The following TXNL1 variants were observed in gnomAD, a reference collection of about 807,000 sequenced individuals.
The protein encoded by TXNL1 is thioredoxin-like protein 1.
TXNL1 carries 14 observed loss-of-function variants against 35.5 expected under a neutral mutation model. The observed-to-expected ratio is 0.39, with a 90% CI of 0.26 to 0.62. The LOEUF is 0.62. Among genes scored for constraint, TXNL1 ranks in the 20% least tolerant of loss-of-function variants. The pLI is 0.47. For missense variants in TXNL1, 263 were observed against 349.7 expected (o/e 0.75, Z 1.98); for synonymous variants, 110 against 115.5 (o/e 0.95, Z 0.31).
chr18:56,615,519 C>G lies in TXNL1; in HGVS notation c.562+726G>C, dbSNP rs76307919. On this transcript the variant is annotated intron_variant, in intron 5 of 7. Coordinates refer to ENST00000217515, the MANE Select transcript of TXNL1 (RefSeq NM_004786.3). ...TCTTTATTTTACAAGAAGAGAAATC[C>G]TAAGTCTGCACAATCATATTTACAT... Among the ~76,000 whole-genome samples the G allele has an allele frequency of 3.6e-3, 545 of 151,492 alleles. 4 individuals are homozygous for G. Among genetic ancestry groups the G allele is most frequent in the African/African-American group, 0.013 (529 of 41,270 alleles).
chr18:56,628,441 C>T (rs755900543), intron 1 of TXNL1, among the ~76,000 whole-genome samples: 1 of 152,040 alleles, frequency 6.6e-6, no homozygotes, highest in Admixed American at 6.6e-5. Flanking sequence ...AAATTCTTAT[C>T]AACAAAAGAA....
chr18:56,628,415 A>G (rs2024320815), intron 1 of TXNL1, among the ~76,000 whole-genome samples: 1 of 152,214 alleles, frequency 6.6e-6, no homozygotes, highest in Non-Finnish European at 1.5e-5. Context: ...CTAAGAGTCA[A>G]AAATCAGAAA....
Position 56,602,715 on chromosome 18 carries a change from G to T in TXNL1, c.*312C>A. 2.5e-6 allele frequency: 1 copy of T among 406,478 alleles called. No homozygotes were observed. The highest frequency in any genetic ancestry group is 4.4e-6 in the Non-Finnish European group (1 of 228,490). The allele number at this position is 406,478 out of a possible 1,614,324, so 25.2% of individuals were successfully genotyped here. A position where few individuals can be genotyped will look rare whatever the true frequency, so the allele number is the denominator to read the frequency against. On this transcript the variant is annotated 3_prime_UTR_variant, in exon 8 of 8. Transcript: ENST00000217515. ...CAGTTTCTCCTTTTCTAAAGAAACTGGCTTTCAATCAATATACTACCAGAC... is the reference window on the plus strand; with the variant it reads ...CAGTTTCTCCTTTTCTAAAGAAACTTGCTTTCAATCAATATACTACCAGAC...
At chr18:56,629,242 CAG>C (rs754722723) in intron 1 of TXNL1, among the ~76,000 whole-genome samples, 2 of 152,142 alleles carry the variant, frequency 1.3e-5, no homozygotes, top group African/African-American at 4.8e-5. Context: ...AAAGTTATGA[CAG>C]GGGCCAGGCA....
At chr18:56,637,250 C>CT (rs1223735403) in intron 1 of TXNL1, among the ~76,000 whole-genome samples, 2 of 152,072 alleles carry the variant, frequency 1.3e-5, no homozygotes, top group Admixed American at 6.5e-5. Context: ...CTAGTAGAAA[C>CT]TTTGTTTTTT....
At position 56,602,774 on chromosome 18, in the gene TXNL1, G is replaced by A. The variant is rs1244796990; in HGVS notation, c.*253C>T. The A allele has an allele frequency of 1.2e-5, 7 of 562,226 alleles. No individual in the cohort carries two copies. The highest frequency in any genetic ancestry group is 6.7e-5 in the Admixed American group (2 of 29,982). The allele number at this position is 562,226 out of a possible 1,614,324, so 34.8% of individuals were successfully genotyped here. A position where few individuals can be genotyped will look rare whatever the true frequency, so the allele number is the denominator to read the frequency against. Reference sequence around the variant, plus strand: ...CTCTACTAAAATCAGAAGTTAACCAGTTTTCAAATACATGGAAAGAGAAAA... The same window carrying A: ...CTCTACTAAAATCAGAAGTTAACCAATTTTCAAATACATGGAAAGAGAAAA... On this transcript the variant is annotated 3_prime_UTR_variant, in exon 8 of 8. Coordinates refer to ENST00000217515, the MANE Select transcript of TXNL1 (RefSeq NM_004786.3).
At chr18:56,622,153 C>A (rs2024199278) in intron 3 of TXNL1, among the ~76,000 whole-genome samples, 1 of 151,906 alleles carries the variant, frequency 6.6e-6, no homozygotes, top group South Asian at 2.1e-4. Flanking sequence ...CTCAGTTGCA[C>A]TAGTCATATA....
rs765092900 is a variant in TXNL1, at chr18:56,602,669, G to A, written c.*358C>T. On this transcript the variant is annotated 3_prime_UTR_variant, in exon 8 of 8. Coordinates refer to ENST00000217515, the MANE Select transcript of TXNL1 (RefSeq NM_004786.3). ...TAACTTGCCATGAATGTGTACACAT[G>A]TACTTCTTAATTCCCTAGAACAGTT... is the stretch of plus-strand genomic sequence containing the variant. 1.7e-5 allele frequency: 5 copies of A among 294,306 alleles called. No individual in the cohort carries two copies. The highest frequency in any genetic ancestry group is 3.1e-5 in the Non-Finnish European group (5 of 159,148). 18.2% of individuals were successfully genotyped at this position (294,306 alleles called of 1,614,324 possible). A position where few individuals can be genotyped will look rare whatever the true frequency, so the allele number is the denominator to read the frequency against.
intron 2 of TXNL1, 72 bp from the exon 3 acceptor site, chr18:56,624,533 A>G: frequency 6.8e-7 from 1 of 1,474,456 alleles, no homozygotes; most frequent in Non-Finnish European, 9.2e-7. Context: ...CTACACCTTT[A>G]TGGAAGTTAA....
chr18:56,613,445 T>C (rs2024029204), intron 6 of TXNL1, among the ~76,000 whole-genome samples: 1 of 152,222 alleles, frequency 6.6e-6, no homozygotes, highest in African/African-American at 2.4e-5. Context: ...TGCTAAAAAT[T>C]AGCTGATTCT....
chr18:56,611,457 G>A (rs577810496), intron 6 of TXNL1, among the ~76,000 whole-genome samples: 3 of 150,542 alleles, frequency 2.0e-5, no homozygotes, highest in East Asian at 2.0e-4. Context: ...AGCTGAGATC[G>A]TGCCACTGCA....
At chr18:56,627,689 CA>C (rs537008208) in intron 1 of TXNL1, among the ~76,000 whole-genome samples, 28 of 152,038 alleles carry the variant, frequency 1.8e-4, no homozygotes, top group African/African-American at 6.7e-4. Flanking sequence ...TATACTCATA[CA>C]GGAAAAGAAA....
intron 5 of TXNL1, among the ~76,000 whole-genome samples, chr18:56,615,189 G>T (rs991126662): frequency 6.6e-6 from 1 of 151,994 alleles, no homozygotes; most frequent in African/African-American, 2.4e-5. Flanking sequence ...TAACTTCAAG[G>T]CACGATTTAA....
rs2023777369 is a variant in TXNL1, at chr18:56,599,109, G to A, written c.*3918C>T. 6.6e-6 allele frequency: 1 copy of A among 152,110 alleles called. No individual in the cohort carries two copies. The highest frequency in any genetic ancestry group is 1.5e-5 in the Non-Finnish European group (1 of 68,014). The allele number at this position is 152,110 out of a possible 1,614,324, so 9.4% of individuals were successfully genotyped here. A position where few individuals can be genotyped will look rare whatever the true frequency, so the allele number is the denominator to read the frequency against. ...TATCCTTAAGATTTTAATATTCCAAGCTGTGTACAATTTTAGTACATTCAA... is the reference window on the plus strand; with the variant it reads ...TATCCTTAAGATTTTAATATTCCAAACTGTGTACAATTTTAGTACATTCAA... On this transcript the variant is annotated 3_prime_UTR_variant, in exon 8 of 8. Transcript: ENST00000217515.
chr18:56,636,756 C>G (rs1185638041), intron 1 of TXNL1, among the ~76,000 whole-genome samples: 1 of 152,066 alleles, frequency 6.6e-6, no homozygotes, highest in Non-Finnish European at 1.5e-5. Context: ...TCTCCCACTG[C>G]TATGGTAAGG....
At chr18:56,631,917 T>C (rs1180000931) in intron 1 of TXNL1, among the ~76,000 whole-genome samples, 2 of 140,948 alleles carry the variant, frequency 1.4e-5, no homozygotes, top group East Asian at 4.1e-4. Flanking sequence ...CGAAACTCTG[T>C]CTCAAAAAAA....
chr18:56,633,400 T>C (rs1379276120), intron 1 of TXNL1, among the ~76,000 whole-genome samples: 2 of 145,508 alleles, frequency 1.4e-5, no homozygotes, highest in African/African-American at 2.6e-5. Context: ...TGAGCTGAGA[T>C]TGTGCCACTG....
rs2023794434 is a variant in TXNL1, at chr18:56,600,246, A to G, written c.*2781T>C. The G allele has an allele frequency of 1.3e-5, 2 of 152,310 alleles. No homozygotes were observed. The highest frequency in any genetic ancestry group is 4.1e-4 in the South Asian group (2 of 4,842). The allele number at this position is 152,310 out of a possible 1,614,324, so 9.4% of individuals were successfully genotyped here. On this transcript the variant is annotated 3_prime_UTR_variant, in exon 8 of 8. Coordinates refer to ENST00000217515, the MANE Select transcript of TXNL1 (RefSeq NM_004786.3). ...AAAAACACTGCATACATCCTCAAAC[A>G]TTGAGACAAAGGATGGCAGACAGGT...
chr18:56,626,303 T>C (rs762051103), intron 2 of TXNL1, 58 bp downstream of exon 2: 27 of 1,568,106 alleles, frequency 1.7e-5, no homozygotes, highest in African/African-American at 1.7e-4. Flanking sequence ...AATATTAATG[T>C]TGGATTTCAA....
Sources: allele counts gnomAD v4.1 joint callset (sites outside exome capture counted in the v4.1 genomes callset), GRCh38; gene constraint gnomAD v4.1.1; transcripts MANE v1.5; gene names NCBI Gene and HGNC (gene_info 2026-07-23, HGNC 2026-07-21).